ASIC5: variants seen among roughly 807,000 people sequenced by gnomAD.
The protein encoded by ASIC5 is acid sensing ion channel subunit family member 5.
In ASIC5, 52 loss-of-function variants were observed where a neutral mutation model predicts 51.2. That is an observed-to-expected ratio of 1.02 (90% CI 0.81 to 1.28). The LOEUF is 1.28. Among genes scored for constraint, ASIC5 ranks in the 50% most tolerant of loss-of-function variants. ASIC5 has a pLI of 0.00. For synonymous variants in ASIC5, 231 were observed against 200.7 expected (o/e 1.15, Z -1.28); for missense variants, 635 against 595.0 (o/e 1.07, Z -0.70).
intron 8 of ASIC5, among the ~76,000 whole-genome samples, chr4:155,835,247 G>T (rs1450812452): frequency 2.0e-5 from 3 of 152,000 alleles, no homozygotes; most frequent in Non-Finnish European, 2.9e-5. Context: ...CACTACCATG[G>T]GGTAGGAGCC....
chr4:155,862,340 A>C (rs527496964), intron 2 of ASIC5, among the ~76,000 whole-genome samples: 1 of 152,274 alleles, frequency 6.6e-6, no homozygotes, highest in Admixed American at 6.5e-5. Context: ...GAAGTCCCCC[A>C]GGAATGAAAC....
chr4:155,844,938 C>T lies in ASIC5; in HGVS notation c.712-1108G>A, dbSNP rs372366700. On this transcript the variant is annotated intron_variant, in intron 4 of 9. Transcript: ENST00000537611. ...TGTGCCAGGTAGCTGCAACACAGGA[C>T]GACCAATCTTGTTCAGGGATAACAG... 9.0e-4 allele frequency among the ~76,000 whole-genome samples: 137 copies of T among 152,082 alleles called. 1 individual carries two copies. Among genetic ancestry groups the T allele is most frequent in the African/African-American group, 3.1e-3 (128 of 41,500 alleles).
intron 2 of ASIC5, among the ~76,000 whole-genome samples, chr4:155,861,602 T>C (rs2110769594): frequency 6.6e-6 from 1 of 152,150 alleles, no homozygotes; most frequent in East Asian, 1.9e-4. Context: ...TAGCTGGATC[T>C]TTCTAAAAAA....
intron 2 of ASIC5, among the ~76,000 whole-genome samples, chr4:155,861,606 TA>T (rs1260499798): frequency 6.6e-6 from 1 of 152,014 alleles, no homozygotes; most frequent in African/African-American, 2.4e-5. Context: ...TGGATCTTTC[TA>T]AAAAAATCCA....
intron 2 of ASIC5, chr4:155,858,866 C>A (rs1393679437): frequency 1.3e-5 from 2 of 152,014 alleles, no homozygotes; most frequent in Non-Finnish European, 2.9e-5. Context: ...AAACATAGAC[C>A]AGAGGAAGAA....
chr4:155,836,809 C>G lies in ASIC5; in HGVS notation c.1115G>C (p.Ser372Thr). The change falls in exon 8 of 10, where the codon AGC becomes ACC. Residue 372 changes from serine to threonine, a missense_variant. Transcript: ENST00000537611. ...DLCTVGTHNSSCPVSCEEIEY... is the reference protein window; with the variant it reads ...DLCTVGTHNSTCPVSCEEIEY... ...TATTTCTTCACAAGAAACGGGGCAGCTAGAGTTATGTGTTCCTACTGTACA... is the reference window on the plus strand; with the variant it reads ...TATTTCTTCACAAGAAACGGGGCAGGTAGAGTTATGTGTTCCTACTGTACA... The G allele has an allele frequency of 2.5e-6, 4 of 1,609,966 alleles. No homozygotes were observed. The highest frequency in any genetic ancestry group is 3.4e-6 in the Non-Finnish European group (4 of 1,176,490).
At chr4:155,858,122 A>G (rs1017534134) in intron 2 of ASIC5, among the ~76,000 whole-genome samples, 3 of 152,100 alleles carry the variant, frequency 2.0e-5, no homozygotes, top group Admixed American at 1.3e-4. Context: ...TTTTTGATGA[A>G]TTTTGTTATA....
intron 4 of ASIC5, among the ~76,000 whole-genome samples, chr4:155,844,141 C>T (rs6536105): frequency 1.3e-5 from 2 of 151,904 alleles, no homozygotes; most frequent in East Asian, 3.9e-4. Flanking sequence ...CTGAGTGAAG[C>T]TGACCTGGCC....
intron 4 of ASIC5, among the ~76,000 whole-genome samples, chr4:155,848,873 GT>G (rs1365842228): frequency 1.3e-5 from 2 of 151,974 alleles, no homozygotes; most frequent in East Asian, 3.9e-4. Flanking sequence ...CTGATCCTTT[GT>G]TTTGTTTTTC....
chr4:155,852,834 A>G, intron 3 of ASIC5, among the ~76,000 whole-genome samples: 1 of 152,124 alleles, frequency 6.6e-6, no homozygotes, highest in African/African-American at 2.4e-5. Flanking sequence ...ATGTGTCCCA[A>G]GTGGAGCTAA....
At chr4:155,846,971 A>G (rs1355281421) in intron 4 of ASIC5, among the ~76,000 whole-genome samples, 1 of 152,094 alleles carries the variant, frequency 6.6e-6, no homozygotes, top group Admixed American at 6.6e-5. Context: ...AAAGAGATGT[A>G]AAGAAAGCTA....
At chr4:155,861,549 T>C (rs984218428) in intron 2 of ASIC5, among the ~76,000 whole-genome samples, 4 of 151,948 alleles carry the variant, frequency 2.6e-5, no homozygotes, top group African/African-American at 9.7e-5. Context: ...TTTTAACCCA[T>C]TTGCATCTTC....
intron 8 of ASIC5, among the ~76,000 whole-genome samples, chr4:155,834,710 G>A (rs1424954606): frequency 6.6e-6 from 1 of 152,058 alleles, no homozygotes; most frequent in Non-Finnish European, 1.5e-5. Context: ...AATGAGAACA[G>A]GCATTTCTGT....
At chr4:155,841,361 A>G (rs1251649896) in intron 6 of ASIC5, among the ~76,000 whole-genome samples, 2 of 152,156 alleles carry the variant, frequency 1.3e-5, no homozygotes, top group Admixed American at 6.6e-5. Flanking sequence ...AACCACTTAC[A>G]TACCCCTTTC....
intron 8 of ASIC5, among the ~76,000 whole-genome samples, chr4:155,834,808 G>A (rs899443360): frequency 3.9e-5 from 6 of 152,116 alleles, no homozygotes; most frequent in East Asian, 1.9e-4. Context: ...CAGAAGAGAC[G>A]AGAAGACCAA....
At chr4:155,860,072 C>G (rs1462482735) in intron 2 of ASIC5, among the ~76,000 whole-genome samples, 1 of 151,920 alleles carries the variant, frequency 6.6e-6, no homozygotes, top group Non-Finnish European at 1.5e-5. Context: ...TGTAACTAGA[C>G]TATTTGTTAA....
At chr4:155,864,070 C>T (rs1389028776) in intron 1 of ASIC5, among the ~76,000 whole-genome samples, 1 of 152,138 alleles carries the variant, frequency 6.6e-6, no homozygotes, top group Non-Finnish European at 1.5e-5. Context: ...AATTCATAAA[C>T]TTTAAATATT....
rs756302102 is a variant in ASIC5 at position 155,842,241 on chromosome 4, T to C, written c.975A>G (p.Lys325=). Residue 325 remains lysine (K), a synonymous_variant, in exon 6 of 10, where the codon AAA becomes AAG. Coordinates refer to ENST00000537611, the MANE Select transcript of ASIC5 (RefSeq NM_017419.3). ...CLKECKAQHI[K]KQCGCVPFLL... ...GAAAAGGCACACATCCACATTGCTT[T>C]TTTATGTGCTGGGCTTTGCATTCCT... The C allele has an allele frequency of 1.9e-6, 3 of 1,613,690 alleles. No individual in the cohort carries two copies. Among genetic ancestry groups the C allele is most frequent in the Non-Finnish European group, 2.5e-6 (3 of 1,179,720 alleles).
chr4:155,847,613 C>T (rs28821264), intron 4 of ASIC5, among the ~76,000 whole-genome samples: 10,932 of 151,776 alleles, frequency 0.072, 1,024 homozygotes, highest in African/African-American at 0.22. Flanking sequence ...TCCCAGCTAC[C>T]TGGGAGGCTG....
Sources: allele counts gnomAD v4.1 joint callset (sites outside exome capture counted in the v4.1 genomes callset), GRCh38; gene constraint gnomAD v4.1.1; transcripts MANE v1.5; gene names NCBI Gene and HGNC (gene_info 2026-07-23, HGNC 2026-07-21).